The following STAT4 variants were observed in gnomAD, a reference collection of about 807,000 sequenced individuals.
STAT4 encodes signal transducer and activator of transcription 4.
In STAT4, 42 loss-of-function variants were observed where a neutral mutation model predicts 110.5. That is an observed-to-expected ratio of 0.38 (90% confidence interval 0.30 to 0.49). The LOEUF (loss-of-function observed/expected upper bound fraction) is 0.49, where lower values mean the gene tolerates loss of function less well. Among genes scored for constraint, STAT4 ranks in the 20% least tolerant of loss-of-function variants. The probability of loss-of-function intolerance (pLI) is 0.95; values close to 1 mark genes in which losing one functional copy is unlikely to be tolerated. For synonymous variants in STAT4, 284 were observed against 302.2 expected (o/e 0.94, Z 0.63); for missense variants, 632 against 887.9 (o/e 0.71, Z 3.66).
chr2:191,136,005 G>GAAAAAAA (rs745380203), intron 3 of STAT4, among the ~76,000 whole-genome samples: 1 of 79,774 alleles, frequency 1.3e-5, no homozygotes, highest in African/African-American at 5.2e-5. Context: ...CAGCATCTCA[G>GAAAAAAA]AAAAAAAAAA....
intron 14 of STAT4, among the ~76,000 whole-genome samples, chr2:191,048,808 A>G (rs1371244451): frequency 1.3e-5 from 2 of 150,438 alleles, no homozygotes; most frequent in African/African-American, 4.9e-5. Flanking sequence ...AAAAAAAAAA[A>G]AAAAAAAAAA....
Position 191,051,836 on chromosome 2 carries a change from C to G in STAT4, c.1251+2654G>C, listed in dbSNP as rs762263692. ...TTGGCCCTGCCATCAACTGCCCCCA[C>G]TATCTTGAGTAAGCTGTGTGACCAC... On this transcript the variant is annotated intron_variant, in intron 14 of 23. Coordinates refer to ENST00000392320, the MANE Select transcript of STAT4 (RefSeq NM_003151.4). The surrounding 1 kb of genome is among the most constrained non-coding windows in gnomAD (Gnocchi z 5.6). 2.6e-5 allele frequency among the ~76,000 whole-genome samples: 4 copies of G among 152,212 alleles called. No homozygotes were observed. Among genetic ancestry groups the G allele is most frequent in the Non-Finnish European group, 4.4e-5 (3 of 68,034 alleles).
chr2:191,115,594 AG>A (rs1392911916), intron 3 of STAT4, among the ~76,000 whole-genome samples: 1 of 152,194 alleles, frequency 6.6e-6, no homozygotes, highest in African/African-American at 2.4e-5. Context: ...ATTCTGCAAA[AG>A]CTGACCAGCC....
chr2:191,072,998 T>G (rs1452373963), intron 5 of STAT4, 100 bp downstream of exon 5: 1 of 845,710 alleles, frequency 1.2e-6, no homozygotes, highest in African/African-American at 1.7e-5. Context: ...AATTGCCCTA[T>G]GATTTCTGTA....
intron 3 of STAT4, among the ~76,000 whole-genome samples, chr2:191,103,789 T>C (rs559661110): frequency 9.8e-5 from 15 of 152,296 alleles, no homozygotes; most frequent in African/African-American, 3.6e-4. Flanking sequence ...TTTCCCTTTT[T>C]CATATTATTT....
chr2:191,101,568 A>G (rs1698149900), intron 3 of STAT4, among the ~76,000 whole-genome samples: 2 of 152,158 alleles, frequency 1.3e-5, no homozygotes, highest in Admixed American at 1.3e-4. Flanking sequence ...TCAAAATGCA[A>G]TGACATATTC....
intron 3 of STAT4, among the ~76,000 whole-genome samples, chr2:191,136,717 CTCTA>C (rs71301540): frequency 0.62 from 94,526 of 151,430 alleles, 29,707 homozygotes; most frequent in Admixed American, 0.68. Context: ...CACCACTGAA[CTCTA>C]TCTAGTCTGG....
intron 3 of STAT4, among the ~76,000 whole-genome samples, chr2:191,118,242 A>G (rs1435282432): frequency 6.6e-6 from 1 of 152,210 alleles, no homozygotes; most frequent in East Asian, 1.9e-4. Flanking sequence ...CTGTGGTCTC[A>G]ACCTTGGCAG....
rs1695896483 is a variant in STAT4, at chr2:191,031,601, TAAC to T, written c.2045-88_2045-86del. The T allele has an allele frequency of 1.8e-6, 2 of 1,081,776 alleles. No homozygotes were observed. The highest frequency in any genetic ancestry group is 1.4e-5 in the South Asian group (1 of 71,464). The allele number at this position is 1,081,776 out of a possible 1,614,324, so 67.0% of individuals were successfully genotyped here. On this transcript the variant is annotated intron_variant, in intron 21 of 23. Coordinates refer to ENST00000392320, the MANE Select transcript of STAT4 (RefSeq NM_003151.4). The surrounding 1 kb of genome is among the most constrained non-coding windows in gnomAD (Gnocchi z 4.8). The stretch of plus-strand genomic sequence containing the variant: ...GGGAAAAAAGAGTCTAGAAAAATAT[TAAC>T]AATGATAAGAGGAAGAGAGATAACG...
intron 14 of STAT4, among the ~76,000 whole-genome samples, chr2:191,048,232 C>T (rs1020800320): frequency 1.3e-5 from 2 of 152,140 alleles, no homozygotes; most frequent in African/African-American, 4.8e-5. Context: ...AAAATAATGT[C>T]TAATGTTTAC....
chr2:191,052,699 C>T (rs1459216479), intron 14 of STAT4, among the ~76,000 whole-genome samples: 1 of 152,070 alleles, frequency 6.6e-6, no homozygotes, highest in Non-Finnish European at 1.5e-5. Flanking sequence ...TGTTCAGATT[C>T]ATAAATAATA....
chr2:191,136,045 G>A lies in STAT4; in HGVS notation c.273+10568C>T, dbSNP rs895353805. Among the ~76,000 whole-genome samples, 4 of 147,040 alleles carry A rather than the reference G, an allele frequency of 2.7e-5. No individual in the cohort carries two copies. In the South Asian group the frequency reaches 6.3e-4, roughly 23 times the overall value. ...AAACCAAAAAACAAAAAACCAATGT[G>A]ATCAAGTGGGATTTATCCCAGGGAT... On this transcript the variant is annotated intron_variant, in intron 3 of 23. Transcript: ENST00000392320.
chr2:191,137,361 C>A (rs1403511525), intron 3 of STAT4, among the ~76,000 whole-genome samples: 1 of 152,006 alleles, frequency 6.6e-6, no homozygotes, highest in Non-Finnish European at 1.5e-5. Context: ...GAAGAGGACA[C>A]AAACAAATGG....
rs1054109537 is a variant in STAT4, at chr2:191,116,439, A to G, written c.273+30174T>C. On this transcript the variant is annotated intron_variant, in intron 3 of 23. Coordinates refer to ENST00000392320, the MANE Select transcript of STAT4 (RefSeq NM_003151.4). The surrounding 1 kb of genome is among the most constrained non-coding windows in gnomAD (Gnocchi z 4.1). ...AGGAAAGTTGAGAAATGCTAATTCA[A>G]GTTAGAAAGAAATACCCGAGTAGCC... Among the ~76,000 whole-genome samples, 3 of 152,268 alleles carry G rather than the reference A, an allele frequency of 2.0e-5. No homozygotes were observed. The highest frequency in any genetic ancestry group is 7.2e-5 in the African/African-American group (3 of 41,478).
chr2:191,042,946 A>C lies in STAT4; in HGVS notation c.1252-1798T>G, dbSNP rs568072061. 3.9e-4 allele frequency among the ~76,000 whole-genome samples: 59 copies of C among 152,046 alleles called. 1 individual carries two copies. In the South Asian group the frequency reaches 0.012, roughly 31 times the overall value. On this transcript the variant is annotated intron_variant, in intron 14 of 23. Transcript: ENST00000392320. The surrounding 1 kb of genome is among the most constrained non-coding windows in gnomAD (Gnocchi z 4.2). Reference sequence around the variant, plus strand: ...AGGCATGCGCCACCATGCCTGGCTAATTTTGTATTTTTAGTAGAGATGGGG... The same window carrying C: ...AGGCATGCGCCACCATGCCTGGCTACTTTTGTATTTTTAGTAGAGATGGGG...
chr2:191,036,357 G>A, intron 16 of STAT4, 58 bp from the exon 17 acceptor site: 1 of 1,580,190 alleles, frequency 6.3e-7, no homozygotes, highest in Non-Finnish European at 8.6e-7. Context: ...AGCTAGTGAG[G>A]TGTGAGCAGG....
At chr2:191,056,770 T>C (rs1285951733) in intron 13 of STAT4, among the ~76,000 whole-genome samples, 3 of 143,816 alleles carry the variant, frequency 2.1e-5, no homozygotes, top group Non-Finnish European at 3.0e-5. Context: ...TATTGTTCCC[T>C]TCTACACTAT....
rs533492736 is a variant in STAT4, at chr2:191,099,952, T to C, written c.274-23627A>G. ...CAGTGGAATTTCAGGGGATTTTTTT[T>C]CTTTCTTCTTAGACTTTTCATTATC... On this transcript the variant is annotated intron_variant, in intron 3 of 23. Transcript: ENST00000392320. This position sits in a 1 kb window ranked among gnomAD's most constrained non-coding sequence, Gnocchi z 4.1. 6.6e-6 allele frequency among the ~76,000 whole-genome samples: 1 copy of C among 152,302 alleles called. No homozygotes were observed. Among genetic ancestry groups the C allele is most frequent in the Admixed American group, 6.5e-5 (1 of 15,282 alleles).
intron 5 of STAT4, 134 bp downstream of exon 5, chr2:191,072,963 GT>G (rs1439907011): frequency 3.3e-6 from 2 of 605,646 alleles, no homozygotes; most frequent in African/African-American, 3.7e-5. Context: ...AACATAGTAT[GT>G]GAGAGATATT....
Sources: allele counts gnomAD v4.1 joint callset (sites outside exome capture counted in the v4.1 genomes callset), GRCh38; gene constraint gnomAD v4.1.1; non-coding constraint Gnocchi (gnomAD v3.1); transcripts MANE v1.5; gene names NCBI Gene and HGNC (gene_info 2026-07-23, HGNC 2026-07-21).